DLC1: variants seen among roughly 807,000 people sequenced by gnomAD.
DLC1 encodes the protein DLC1 Rho GTPase activating protein.
A neutral mutation model predicts 140.3 loss-of-function variants in DLC1; 54 were observed. That is an observed-to-expected ratio of 0.38 (90% CI 0.31 to 0.48). The LOEUF is 0.48. Ranked by LOEUF, DLC1 falls within the 20% of genes least tolerant of loss-of-function variation. DLC1 has a pLI of 0.96. For missense variants in DLC1, 2,536 were observed against 1,907.0 expected (o/e 1.33, Z -6.14); for synonymous variants, 986 against 728.1 (o/e 1.35, Z -5.70).
At chr8:13,404,080 A>G (rs1267328284) in intron 2 of DLC1, among the ~76,000 whole-genome samples, 1 of 152,084 alleles carries the variant, frequency 6.6e-6, no homozygotes, top group Non-Finnish European at 1.5e-5. Context: ...TCTAAATTGA[A>G]CACATATTCA....
chr8:13,392,718 G>C (rs1460375947), intron 4 of DLC1, among the ~76,000 whole-genome samples: 1 of 152,096 alleles, frequency 6.6e-6, no homozygotes, highest in Non-Finnish European at 1.5e-5. Context: ...CTATTTTCCT[G>C]TTGCAGTTCA....
At chr8:13,401,889 G>A (rs150839770) in intron 2 of DLC1, among the ~76,000 whole-genome samples, 16 of 152,166 alleles carry the variant, frequency 1.1e-4, no homozygotes, top group African/African-American at 3.1e-4. Context: ...GTAATGGCAT[G>A]TATTTACTAT....
intron 5 of DLC1, among the ~76,000 whole-genome samples, chr8:13,140,262 T>A (rs1822881495): frequency 6.6e-6 from 1 of 152,192 alleles, no homozygotes; most frequent in South Asian, 2.1e-4. Flanking sequence ...AGACACGATC[T>A]TGCTCTGTTA....
At position 13,085,731 on chromosome 8, in the gene DLC1, C is replaced by G. The variant is rs1196784388; in HGVS notation, c.*80G>C. On this transcript the variant is annotated 3_prime_UTR_variant, in exon 18 of 18. Transcript: ENST00000276297. ...GTTTTCTTTGTTTCAGGATTAGACA[C>G]AGAACCCATTCTTCAAGGACTGGCA... 8 of 1,594,844 alleles carry G rather than the reference C, an allele frequency of 5.0e-6. No homozygotes were observed. In the Admixed American group the frequency reaches 6.9e-5, roughly 14 times the overall value.
intron 4 of DLC1, among the ~76,000 whole-genome samples, chr8:13,346,531 T>G (rs1586176499): frequency 6.6e-6 from 1 of 152,332 alleles, no homozygotes; most frequent in South Asian, 2.1e-4. Context: ...CAAAGTCTAT[T>G]TTAAACCATC....
chr8:13,549,825 A>G (rs751716319), intron 1 of DLC1, among the ~76,000 whole-genome samples: 1 of 152,114 alleles, frequency 6.6e-6, no homozygotes, highest in Non-Finnish European at 1.5e-5. Flanking sequence ...AAAATTCTAG[A>G]GCTTAAAGAG....
At chr8:13,479,783 A>C (rs905524689) in intron 2 of DLC1, among the ~76,000 whole-genome samples, 1 of 149,170 alleles carries the variant, frequency 6.7e-6, no homozygotes, top group Non-Finnish European at 1.5e-5. Flanking sequence ...AAAGAAAAGA[A>C]AAGGAAAAGA....
chr8:13,561,974 C>G (rs929193696), intron 1 of DLC1, among the ~76,000 whole-genome samples: 3 of 151,854 alleles, frequency 2.0e-5, no homozygotes, highest in Non-Finnish European at 4.4e-5. Context: ...TTGGAAAACA[C>G]AGGAAAAAAA....
intron 1 of DLC1, among the ~76,000 whole-genome samples, chr8:13,581,127 A>G (rs1196225815): frequency 6.6e-6 from 1 of 152,358 alleles, no homozygotes; most frequent in South Asian, 2.1e-4. Flanking sequence ...GCAAGGAATT[A>G]AGACATCTGC....
intron 2 of DLC1, among the ~76,000 whole-genome samples, chr8:13,456,349 C>G (rs1213766006): frequency 6.6e-6 from 1 of 152,160 alleles, no homozygotes; most frequent in Non-Finnish European, 1.5e-5. Context: ...GTTTTTTTGC[C>G]TTGCCTATAT....
At chr8:13,455,726 C>G (rs1373343096) in intron 2 of DLC1, among the ~76,000 whole-genome samples, 1 of 152,070 alleles carries the variant, frequency 6.6e-6, no homozygotes, top group South Asian at 2.1e-4. Flanking sequence ...TATAAAAATT[C>G]GAGGATAGGC....
chr8:13,593,209 G>A (rs73663904), intron 1 of DLC1, among the ~76,000 whole-genome samples: 3,022 of 152,122 alleles, frequency 0.02, 107 homozygotes, highest in African/African-American at 0.069. Flanking sequence ...AAGAAATCTA[G>A]CATCCCTAAT....
At chr8:13,137,725 A>G (rs753095462) in intron 5 of DLC1, among the ~76,000 whole-genome samples, 1 of 150,754 alleles carries the variant, frequency 6.6e-6, no homozygotes, top group Non-Finnish European at 1.5e-5. Context: ...AGCCTCCCAC[A>G]TAGCTGGGAC....
intron 2 of DLC1, among the ~76,000 whole-genome samples, chr8:13,437,097 A>G (rs1411749455): frequency 6.6e-6 from 1 of 152,168 alleles, no homozygotes; most frequent in African/African-American, 2.4e-5. Flanking sequence ...TTTCTCCTCA[A>G]TATTTACGTA....
chr8:13,349,087 A>G (rs574183509), intron 4 of DLC1, among the ~76,000 whole-genome samples: 13 of 152,244 alleles, frequency 8.5e-5, no homozygotes, highest in African/African-American at 3.1e-4. Context: ...ATTCAACAGG[A>G]GACAGGAAGT....
At chr8:13,185,415 C>G (rs935408346) in intron 5 of DLC1, among the ~76,000 whole-genome samples, 1 of 151,840 alleles carries the variant, frequency 6.6e-6, no homozygotes, top group African/African-American at 2.4e-5. Flanking sequence ...TCATGCCATT[C>G]TCCTGCCTCA....
At chr8:13,180,657 T>A (rs1469102471) in intron 5 of DLC1, among the ~76,000 whole-genome samples, 1 of 152,130 alleles carries the variant, frequency 6.6e-6, no homozygotes, top group Non-Finnish European at 1.5e-5. Context: ...TAATCACATA[T>A]GAACACCCAC....
rs1394976727 is a variant in DLC1, at chr8:13,397,301, T to A, written c.1174-3608A>T. Among the ~76,000 whole-genome samples, 6 of 152,158 alleles carry A rather than the reference T, an allele frequency of 3.9e-5. No homozygotes were observed. In the East Asian group the frequency reaches 9.7e-4, roughly 25 times the overall value. On this transcript the variant is annotated intron_variant, in intron 3 of 17. Transcript: ENST00000276297. ...GAGAATTGAGTCTAGAATCTAGATATAAGATTTCAGGGGCAGATATAGGAA... is the reference window on the plus strand; with the variant it reads ...GAGAATTGAGTCTAGAATCTAGATAAAAGATTTCAGGGGCAGATATAGGAA...
chr8:13,572,716 A>G (rs1804704978), intron 1 of DLC1, among the ~76,000 whole-genome samples: 1 of 152,096 alleles, frequency 6.6e-6, no homozygotes, highest in African/African-American at 2.4e-5. Flanking sequence ...AGTCTTTCCC[A>G]TATGATTGTT....
Sources: allele counts gnomAD v4.1 joint callset (sites outside exome capture counted in the v4.1 genomes callset), GRCh38; gene constraint gnomAD v4.1.1; transcripts MANE v1.5; gene names NCBI Gene and HGNC (gene_info 2026-07-23, HGNC 2026-07-21).